ZNF609: variants seen among roughly 807,000 people sequenced by gnomAD.
The protein encoded by ZNF609 is zinc finger protein 609.
ZNF609 carries 11 observed loss-of-function variants against 109.5 expected under a neutral mutation model. The ratio of observed to expected loss-of-function variants is 0.10; its 90% CI spans 0.06 to 0.17. ZNF609 has a LOEUF of 0.17. Among genes scored for constraint, ZNF609 ranks in the 10% least tolerant of loss-of-function variants. The probability of loss-of-function intolerance (pLI) is 1.00; values close to 1 mark genes in which losing one functional copy is unlikely to be tolerated. For synonymous variants in ZNF609, 646 were observed against 662.0 expected (o/e 0.98, Z 0.37); for missense variants, 1,559 against 1,772.4 (o/e 0.88, Z 2.16).
At chr15:64,657,715 T>C (rs1357726900) in intron 3 of ZNF609, among the ~76,000 whole-genome samples, 1 of 152,138 alleles carries the variant, frequency 6.6e-6, no homozygotes, top group African/African-American at 2.4e-5. Context: ...TCAAAGACTA[T>C]TGGGATAGTC....
intron 2 of ZNF609, among the ~76,000 whole-genome samples, chr15:64,539,381 G>A (rs1284879430): frequency 6.6e-6 from 1 of 151,318 alleles, no homozygotes; most frequent in Non-Finnish European, 1.5e-5. Context: ...CTAATTTTTT[G>A]TATTTTTAGT....
At chr15:64,645,654 T>A (rs1311062948) in intron 3 of ZNF609, among the ~76,000 whole-genome samples, 1 of 152,128 alleles carries the variant, frequency 6.6e-6, no homozygotes, top group Non-Finnish European at 1.5e-5. Context: ...GATTAATATC[T>A]AGAATAAAGA....
chr15:64,568,744 A>G (rs1894817442), intron 2 of ZNF609, among the ~76,000 whole-genome samples: 1 of 152,226 alleles, frequency 6.6e-6, no homozygotes, highest in African/African-American at 2.4e-5. Context: ...TTTACTGAAC[A>G]TCTACAATGT....
chr15:64,627,458 C>G (rs989999313), intron 3 of ZNF609, among the ~76,000 whole-genome samples: 1 of 152,066 alleles, frequency 6.6e-6, no homozygotes, highest in African/African-American at 2.4e-5. Flanking sequence ...ATGTAGTTTA[C>G]TTTGGCAAAT....
At position 64,474,235 on chromosome 15, in the gene ZNF609, C is replaced by G. The variant is rs1893134300; in HGVS notation, c.-128+13397C>G. On this transcript the variant is annotated intron_variant, in intron 1 of 9. Coordinates refer to ENST00000326648, the MANE Select transcript of ZNF609 (RefSeq NM_015042.2). Reference sequence around the variant, plus strand: ...GCCTCACTTTTTTTTTTTTTTGAGACTGAGTTTTGCTCTTGTTGCCCAGGC... The same window carrying G: ...GCCTCACTTTTTTTTTTTTTTGAGAGTGAGTTTTGCTCTTGTTGCCCAGGC... Among the ~76,000 whole-genome samples, 5 of 137,676 alleles carry G rather than the reference C, an allele frequency of 3.6e-5. No individual in the cohort carries two copies. The South Asian group carries it at 1.2e-3, about 32-fold the overall frequency. 90.3% of individuals were successfully genotyped at this position (137,676 alleles called of 152,430 possible). A position where few individuals can be genotyped will look rare whatever the true frequency, so the allele number is the denominator to read the frequency against.
intron 3 of ZNF609, among the ~76,000 whole-genome samples, chr15:64,638,014 AT>A (rs1460679712): frequency 7.2e-6 from 1 of 139,778 alleles, no homozygotes; most frequent in African/African-American, 2.6e-5. Context: ...ATATATATAT[AT>A]AAAATATATA....
At chr15:64,679,096 G>T (rs1040568081) in intron 6 of ZNF609, among the ~76,000 whole-genome samples, 3 of 152,182 alleles carry the variant, frequency 2.0e-5, no homozygotes, top group African/African-American at 7.2e-5. Flanking sequence ...TTTTGAGACG[G>T]AATTTCACTC....
At chr15:64,533,056 G>A (rs1052396900) in intron 2 of ZNF609, among the ~76,000 whole-genome samples, 1 of 151,178 alleles carries the variant, frequency 6.6e-6, no homozygotes, top group Non-Finnish European at 1.5e-5. Context: ...AATAATTGCT[G>A]CTTTTTTTTT....
At chr15:64,564,248 G>C (rs1002351036) in intron 2 of ZNF609, among the ~76,000 whole-genome samples, 2 of 151,992 alleles carry the variant, frequency 1.3e-5, no homozygotes, top group African/African-American at 4.8e-5. Context: ...GGTACTATTC[G>C]TGGTTTCAGG....
chr15:64,578,938 G>C (rs1595726138), intron 2 of ZNF609, among the ~76,000 whole-genome samples: 1 of 152,184 alleles, frequency 6.6e-6, no homozygotes, highest in East Asian at 1.9e-4. Context: ...AGAGGTTGAG[G>C]CTGCAGTGAG....
At chr15:64,600,500 G>A (rs953562035) in intron 2 of ZNF609, among the ~76,000 whole-genome samples, 2 of 150,920 alleles carry the variant, frequency 1.3e-5, no homozygotes, top group African/African-American at 4.9e-5. Context: ...GCCAGGTGTG[G>A]TGGCAGCACG....
At chr15:64,549,400 T>G (rs570870521) in intron 2 of ZNF609, among the ~76,000 whole-genome samples, 47 of 152,222 alleles carry the variant, frequency 3.1e-4, no homozygotes, top group African/African-American at 1.1e-3. Context: ...TCACCATGTT[T>G]CAACAGCTAG....
At chr15:64,577,071 T>TACACATAAATATATATATGTATATATAC (rs199907777) in intron 2 of ZNF609, among the ~76,000 whole-genome samples, 1 of 47,784 alleles carries the variant, frequency 2.1e-5, no homozygotes, top group African/African-American at 5.0e-5. Context: ...TATGTATATA[T>TACACATAAATATATATATGTATATATAC]ACACAAATAT....
At chr15:64,631,706 A>AT (rs766937011) in intron 3 of ZNF609, 3,321 of 166,558 alleles carry the variant, frequency 0.02, 7 homozygotes, top group South Asian at 0.039. Context: ...CTAATTTTGT[A>AT]TTTTTTTTTT....
intron 2 of ZNF609, among the ~76,000 whole-genome samples, chr15:64,507,745 G>A (rs1210467045): frequency 2.6e-5 from 4 of 152,178 alleles, no homozygotes; most frequent in South Asian, 4.2e-4. Context: ...GAGTCTGTGC[G>A]TGGCAAAGCT....
chr15:64,520,765 C>T (rs1478681316), intron 2 of ZNF609, among the ~76,000 whole-genome samples: 5 of 152,000 alleles, frequency 3.3e-5, no homozygotes, highest in South Asian at 4.2e-4. Flanking sequence ...CTCTTCAATT[C>T]CTAGCTGTTA....
chr15:64,614,944 G>C (rs565567148), intron 2 of ZNF609, among the ~76,000 whole-genome samples: 2 of 150,708 alleles, frequency 1.3e-5, no homozygotes, highest in East Asian at 3.9e-4. Flanking sequence ...TCAGCCTCCT[G>C]AGTAGCTGGG....
intron 2 of ZNF609, among the ~76,000 whole-genome samples, chr15:64,615,739 G>A (rs984580387): frequency 2.6e-5 from 4 of 152,014 alleles, no homozygotes; most frequent in Non-Finnish European, 4.4e-5. Flanking sequence ...CACCTGCCTC[G>A]GCCTCTTAAA....
intron 3 of ZNF609, among the ~76,000 whole-genome samples, chr15:64,655,672 CA>C (rs1344221811): frequency 1.3e-5 from 2 of 149,136 alleles, no homozygotes; most frequent in African/African-American, 2.5e-5. Flanking sequence ...ACTAAAAATA[CA>C]AAAAAAATTA....
Sources: allele counts gnomAD v4.1 joint callset (sites outside exome capture counted in the v4.1 genomes callset), GRCh38; gene constraint gnomAD v4.1.1; transcripts MANE v1.5; gene names NCBI Gene and HGNC (gene_info 2026-07-23, HGNC 2026-07-21).